The following IGLL5 variants were observed in gnomAD, a reference collection of about 807,000 sequenced individuals.
IGLL5 encodes immunoglobulin lambda like polypeptide 5.
In IGLL5, 30 loss-of-function variants were observed where a neutral mutation model predicts 20.9. The observed-to-expected ratio is 1.44, with a 90% CI of 1.07 to 1.95. The LOEUF is 1.95. IGLL5 is among the 30% of genes most tolerant of loss of function. IGLL5 has a pLI of 0.00. For missense variants in IGLL5, 475 were observed against 270.7 expected (o/e 1.75, Z -5.30); for synonymous variants, 203 against 117.3 (o/e 1.73, Z -4.72).
rs779217878 is a variant in IGLL5, at chr22:22,888,199, A to G, written c.146A>G (p.Asp49Gly). Residue 49 changes from aspartate (D) to glycine (G), a missense_variant, in exon 1 of 3, where the codon GAC becomes GGC. By Grantham distance (94) the Asp-to-Gly change is moderately conservative (BLOSUM62 -1). Transcript: ENST00000526893. ...CCAATGGTTGCACCGCAAAGCGGGG[A>G]CCCAGACCCTGGAGCCTCAGTTGGA... ...LRPMVAPQSG[D>G]PDPGASVGSS... The G allele has an allele frequency of 3.9e-6, 6 of 1,548,574 alleles. No homozygotes were observed. Among genetic ancestry groups the G allele is most frequent in the South Asian group, 2.4e-5 (2 of 83,950 alleles).
intron 2 of IGLL5, among the ~76,000 whole-genome samples, chr22:22,894,426 G>T (rs1601626254): frequency 6.6e-6 from 1 of 151,346 alleles, no homozygotes; most frequent in Admixed American, 6.6e-5. Flanking sequence ...GGTGAGACTG[G>T]GTGAGGTGCC....
chr22:22,891,603 A>G (rs2067848979), intron 1 of IGLL5, among the ~76,000 whole-genome samples: 1 of 151,228 alleles, frequency 6.6e-6, no homozygotes, highest in African/African-American at 2.4e-5. Flanking sequence ...AGAATATGGG[A>G]TTAATTTGAG....
chr22:22,888,905 T>C (rs1232763031), intron 1 of IGLL5, among the ~76,000 whole-genome samples: 2 of 151,154 alleles, frequency 1.3e-5, no homozygotes, highest in African/African-American at 2.4e-5. Flanking sequence ...GTCTCACAGA[T>C]CGAGGGGCAC....
In IGLL5 at chr22:22,888,263, A is replaced by C. The variant is rs1213667856; in HGVS notation, c.206+4A>C. The C allele has an allele frequency of 1.3e-6, 2 of 1,546,748 alleles. No homozygotes were observed. Among genetic ancestry groups the C allele is most frequent in the Admixed American group, 2.0e-5 (1 of 50,714 alleles). ...GCCTGCGGAGCCTGTGGGGCAGGTA[A>C]GGGGCAAGAGATTCCAGGGGATGTG... On this transcript the variant is annotated splice_donor_region_variant and intron_variant, in intron 1 of 2. Coordinates refer to ENST00000526893, the MANE Select transcript of IGLL5 (RefSeq NM_001178126.2).
At chr22:22,888,682 C>T (rs369530977) in intron 1 of IGLL5, among the ~76,000 whole-genome samples, 3 of 151,376 alleles carry the variant, frequency 2.0e-5, no homozygotes, top group African/African-American at 7.3e-5. Flanking sequence ...GCAGGGGCCA[C>T]TCCCTGGAGA....
In IGLL5 at chr22:22,888,017, C is replaced by T. The variant is rs138573360; in HGVS notation, c.-37C>T. On this transcript the variant is annotated 5_prime_UTR_variant, in exon 1 of 3. An upstream open reading frame in the 5' UTR gains an earlier in-frame stop. Transcript: ENST00000526893. ...ACCGTCCTCCAGGGAGCCCATGCTG[C>T]AAGTCGGGCCAGAGGTGCCCCTGAA... 5 of 1,516,410 alleles carry T rather than the reference C, an allele frequency of 3.3e-6. No homozygotes were observed. The highest frequency in any genetic ancestry group is 4.9e-5 in the East Asian group (2 of 40,450). The allele number at this position is 1,516,410 out of a possible 1,614,324, so 93.9% of individuals were successfully genotyped here. A position where few individuals can be genotyped will look rare whatever the true frequency, so the allele number is the denominator to read the frequency against.
chr22:22,890,273 A>T (rs2067788323), intron 1 of IGLL5, among the ~76,000 whole-genome samples: 1 of 149,486 alleles, frequency 6.7e-6, no homozygotes, highest in African/African-American at 2.4e-5. Flanking sequence ...TGGTCAATAT[A>T]CTTCCAGAAC....
intron 2 of IGLL5, among the ~76,000 whole-genome samples, chr22:22,894,073 C>G (rs193010519): frequency 4.0e-5 from 6 of 151,452 alleles, no homozygotes; most frequent in East Asian, 4.0e-4. Flanking sequence ...CTCCTCCTCT[C>G]TTCCAGGGCA....
chr22:22,889,745 A>C (rs2067749274), intron 1 of IGLL5, among the ~76,000 whole-genome samples: 1 of 151,218 alleles, frequency 6.6e-6, no homozygotes, highest in South Asian at 2.1e-4. Flanking sequence ...AGGCCACTAC[A>C]CCTGGCTAAT....
At chr22:22,894,909 C>T (rs914072360) in intron 2 of IGLL5, among the ~76,000 whole-genome samples, 3 of 151,208 alleles carry the variant, frequency 2.0e-5, no homozygotes, top group African/African-American at 4.9e-5. Flanking sequence ...AGGCTTGGGT[C>T]TCCCCACACA....
chr22:22,894,418 T>A (rs1601626199), intron 2 of IGLL5, among the ~76,000 whole-genome samples: 3 of 151,204 alleles, frequency 2.0e-5, no homozygotes, highest in Middle Eastern at 3.7e-3. Context: ...GAGGGACGGG[T>A]GAGACTGGGT....
chr22:22,894,456 A>G (rs541039726), intron 2 of IGLL5, among the ~76,000 whole-genome samples: 1 of 151,496 alleles, frequency 6.6e-6, no homozygotes, highest in East Asian at 2.0e-4. Context: ...CCCTCCCAGG[A>G]CAGTCACCAG....
At chr22:22,888,865 G>A (rs757246200) in intron 1 of IGLL5, among the ~76,000 whole-genome samples, 6 of 151,426 alleles carry the variant, frequency 4.0e-5, no homozygotes, top group East Asian at 2.0e-4. Flanking sequence ...AAGGGAGAGG[G>A]GATCTCCCTC....
At chr22:22,889,422 A>T (rs1242515701) in intron 1 of IGLL5, among the ~76,000 whole-genome samples, 1 of 151,166 alleles carries the variant, frequency 6.6e-6, no homozygotes, top group Admixed American at 6.6e-5. Context: ...GGGCAATTCC[A>T]CTTCTAGGAA....
At position 22,893,779 on chromosome 22, in the gene IGLL5, T is replaced by G; in HGVS notation, c.286T>G (p.Cys96Gly). The G allele has an allele frequency of 6.2e-7, 1 of 1,605,074 alleles. No homozygotes were observed. The highest frequency in any genetic ancestry group is 1.1e-5 in the South Asian group (1 of 90,566). Reference protein sequence around the residue: ...RGFWSEPQSLCYVFGTGTKVT... With the variant: ...RGFWSEPQSLGYVFGTGTKVT... ...GTTTTGGTCTGAGCCTCAGTCACTGTGTTATGTCTTCGGAACTGGGACCAA... is the reference window on the plus strand; with the variant it reads ...GTTTTGGTCTGAGCCTCAGTCACTGGGTTATGTCTTCGGAACTGGGACCAA... Residue 96 changes from cysteine (C) to glycine (G), a missense_variant, in exon 2 of 3, where the codon TGT becomes GGT. By Grantham distance (159) the Cys-to-Gly change is radical. Coordinates refer to ENST00000526893, the MANE Select transcript of IGLL5 (RefSeq NM_001178126.2).
At position 22,887,847 on chromosome 22, in the gene IGLL5, C is replaced by CT. The variant is rs1370208336; in HGVS notation, c.-206dup. 8.1e-6 allele frequency: 5 copies of CT among 613,746 alleles called. No individual in the cohort carries two copies. In the African/African-American group the frequency reaches 9.2e-5, roughly 11 times the overall value. The allele number at this position is 613,746 out of a possible 1,614,324, so 38.0% of individuals were successfully genotyped here. On this transcript the variant is annotated 5_prime_UTR_variant, in exon 1 of 3. It introduces an in-frame stop codon into an upstream open reading frame of the 5' UTR. Coordinates refer to ENST00000526893, the MANE Select transcript of IGLL5 (RefSeq NM_001178126.2). ...GCTTCAGGGCAGTTGGTAGATGCCCCTCTGGGAGAGATCCCCAGGGGTGAC... is the reference window on the plus strand; with the variant it reads ...GCTTCAGGGCAGTTGGTAGATGCCCCTTCTGGGAGAGATCCCCAGGGGTGAC...
rs1311182123 is a variant in IGLL5 at position 22,895,464 on chromosome 22, A to G, written c.415A>G (p.Ser139Gly). ...CAAGGCCACACTAGTGTGTCTGATC[A>G]GTGACTTCTACCCGGGAGCTGTGAC... is the stretch of plus-strand genomic sequence containing the variant. ...ANKATLVCLISDFYPGAVTVA... is the reference protein window; with the variant it reads ...ANKATLVCLIGDFYPGAVTVA... The change falls in exon 3 of 3, where the codon AGT (serine) becomes GGT (glycine). Residue 139 changes from serine to glycine, a missense_variant. Coordinates refer to ENST00000526893, the MANE Select transcript of IGLL5 (RefSeq NM_001178126.2). The G allele has an allele frequency of 1.9e-6, 3 of 1,612,864 alleles. No homozygotes were observed. The South Asian group carries it at 3.3e-5, about 18-fold the overall frequency.
At chr22:22,894,175 G>T in intron 2 of IGLL5, among the ~76,000 whole-genome samples, 1 of 151,526 alleles carries the variant, frequency 6.6e-6, no homozygotes, top group Middle Eastern at 3.7e-3. Context: ...GTCAAGGACA[G>T]AGGCTGCTGG....
At chr22:22,888,574 G>A (rs530345640) in intron 1 of IGLL5, among the ~76,000 whole-genome samples, 5 of 151,346 alleles carry the variant, frequency 3.3e-5, no homozygotes, top group African/African-American at 9.7e-5. Context: ...GGCAGGGACA[G>A]GACATCCACA....
Sources: gnomAD v4.1 joint callset for allele counts (sites outside exome capture counted in the v4.1 genomes callset) on GRCh38, gnomAD v4.1.1 for gene constraint, MANE v1.5 for transcripts, NCBI Gene and HGNC (gene_info 2026-07-23, HGNC 2026-07-21) for gene names.